CD5L: variants seen among roughly 807,000 people sequenced by gnomAD.
CD5L encodes the protein CD5 molecule like, also known as CD5 antigen-like.
CD5L carries 39 observed loss-of-function variants against 40.8 expected under a neutral mutation model. The ratio of observed to expected loss-of-function variants is 0.96; its 90% CI spans 0.74 to 1.25. CD5L has a LOEUF of 1.25. CD5L is among the 50% of genes most tolerant of loss of function. The probability of loss-of-function intolerance (pLI) is 0.00; values close to 1 mark genes in which losing one functional copy is unlikely to be tolerated. For synonymous variants in CD5L, 192 were observed against 169.6 expected, an observed-to-expected ratio of 1.13 and a Z score of -1.03; for missense variants, 433 against 435.9, an observed-to-expected ratio of 0.99 and a Z score of 0.06.
chr1:157,835,741 G>T (rs1656193217), intron 3 of CD5L, 94 bp downstream of exon 3: 1 of 1,013,720 alleles, frequency 9.9e-7, no homozygotes. Flanking sequence ...ATTAGCCATT[G>T]TGTGAACGTC....
At position 157,839,419 on chromosome 1, in the gene CD5L, GAAAGAAGGA is replaced by G; in HGVS notation, c.29-18_29-10del. On this transcript the variant is annotated splice_polypyrimidine_tract_variant and intron_variant, in intron 1 of 5. Coordinates refer to ENST00000368174, the MANE Select transcript of CD5L (RefSeq NM_005894.3). Reference sequence around the variant, plus strand: ...AGGTCTGGTGCAAATGGCTGGGGAAGAAAGAAGGAAATGAGTGAGGTCAATTTCCAAGGC... The same window carrying G: ...AGGTCTGGTGCAAATGGCTGGGGAAGAATGAGTGAGGTCAATTTCCAAGGC... 6.2e-7 allele frequency: 1 copy of G among 1,612,872 alleles called. No individual in the cohort carries two copies. Among genetic ancestry groups the G allele is most frequent in the South Asian group, 1.1e-5 (1 of 90,982 alleles).
chr1:157,838,195 T>C (rs148146724), intron 2 of CD5L, among the ~76,000 whole-genome samples: 1,546 of 152,316 alleles, frequency 0.01, 27 homozygotes, highest in African/African-American at 0.036. Flanking sequence ...AGGCTAGAGA[T>C]AGCAATTAAA....
chr1:157,831,411 G>A lies in CD5L; in HGVS notation c.*553C>T, dbSNP rs1325649367. 2.0e-6 allele frequency: 2 copies of A among 984,410 alleles called. No individual in the cohort carries two copies. Among genetic ancestry groups the A allele is most frequent in the African/African-American group, 3.5e-5 (2 of 57,002 alleles). The allele number at this position is 984,410 out of a possible 1,614,324, so 61.0% of individuals were successfully genotyped here. A position where few individuals can be genotyped will look rare whatever the true frequency, so the allele number is the denominator to read the frequency against. On this transcript the variant is annotated 3_prime_UTR_variant, in exon 6 of 6. Coordinates refer to ENST00000368174, the MANE Select transcript of CD5L (RefSeq NM_005894.3). ...CTAAGAAATAACAGAATAGGGAGGT[G>A]TTGCTATTGTGGTCACCTGAAGCTT...
At position 157,831,926 on chromosome 1, in the gene CD5L, G is replaced by A; in HGVS notation, c.*38C>T. 6.4e-7 allele frequency: 1 copy of A among 1,561,038 alleles called. No homozygotes were observed. Among genetic ancestry groups the A allele is most frequent in the Admixed American group, 2.0e-5 (1 of 51,262 alleles). ...GCTCAGGAGAACAAGCAGAGGGCAGGCGGGGCCAGGGGGGCCAGGTCAAGC... is the reference window on the plus strand; with the variant it reads ...GCTCAGGAGAACAAGCAGAGGGCAGACGGGGCCAGGGGGGCCAGGTCAAGC... On this transcript the variant is annotated 3_prime_UTR_variant, in exon 6 of 6. Transcript: ENST00000368174.
chr1:157,836,167 C>T lies in CD5L; in HGVS notation c.56-12G>A, dbSNP rs371318152. On this transcript the variant is annotated splice_polypyrimidine_tract_variant and intron_variant, in intron 2 of 5. Coordinates refer to ENST00000368174, the MANE Select transcript of CD5L (RefSeq NM_005894.3). ...TCCAGATGGAGACGCTGCAAAGAGACGGGTTGTTAGCTAGAGGCCTGAGAG... is the reference window on the plus strand; with the variant it reads ...TCCAGATGGAGACGCTGCAAAGAGATGGGTTGTTAGCTAGAGGCCTGAGAG... 650 of 1,604,234 alleles carry T rather than the reference C, an allele frequency of 4.1e-4. 1 individual carries two copies. The highest frequency in any genetic ancestry group is 9.2e-4 in the Admixed American group (55 of 59,500).
At position 157,834,590 on chromosome 1, in the gene CD5L, G is replaced by C; in HGVS notation, c.535C>G (p.Leu179Val). Residue 179 changes from leucine (L) to valine (V), a missense_variant, in exon 4 of 6, where the codon CTG (leucine) becomes GTG (valine). Physicochemically the swap from Leu to Val is conservative, Grantham distance 32. Transcript: ENST00000368174. ...LRAAKVVCRQ[L>V]GCGRAVLTQK... ...GTCAGTACAGCCCTCCCACATCCCA[G>C]CTGCCGGCACACCACCTTTGCGGCC... 3 of 1,614,154 alleles carry C rather than the reference G, an allele frequency of 1.9e-6. No individual in the cohort carries two copies. The highest frequency in any genetic ancestry group is 2.5e-6 in the Non-Finnish European group (3 of 1,180,028).
rs12092529 is a variant in CD5L, at chr1:157,838,784, A to G, written c.55+600T>C. On this transcript the variant is annotated intron_variant, in intron 2 of 5. Transcript: ENST00000368174. ...CTCTCTGGTAAAGTCTCTATGATCA[A>G]GCAGAAGGGGAGACTGGAAGGATAA... Among the ~76,000 whole-genome samples, 782 of 152,182 alleles carry G rather than the reference A, an allele frequency of 5.1e-3. 5 individuals are homozygous for G. The highest frequency in any genetic ancestry group is 0.017 in the African/African-American group (704 of 41,542).
At chr1:157,834,002 C>G (rs1268396417) in intron 4 of CD5L, among the ~76,000 whole-genome samples, 1 of 152,058 alleles carries the variant, frequency 6.6e-6, no homozygotes, top group African/African-American at 2.4e-5. Context: ...CTGTAGCTCT[C>G]CATCATGTTC....
At chr1:157,829,551 T>TAATAGA (rs1048296691), downstream of CD5L, among the ~76,000 whole-genome samples, 3 of 152,084 alleles carry the variant, frequency 2.0e-5, no homozygotes, top group African/African-American at 7.2e-5. Context: ...TATCTTGGAG[T>TAATAGA]AATAGAAATA....
chr1:157,837,831 A>G (rs773303431), intron 2 of CD5L, among the ~76,000 whole-genome samples: 1 of 142,796 alleles, frequency 7.0e-6, no homozygotes, highest in Non-Finnish European at 1.5e-5. Flanking sequence ...GCTGGAGTGC[A>G]GTGGCACGAT....
In CD5L at chr1:157,833,364, C is replaced by A; in HGVS notation, c.867G>T (p.Lys289Asn). The A allele has an allele frequency of 6.2e-7, 1 of 1,614,168 alleles. No homozygotes were observed. Among genetic ancestry groups the A allele is most frequent in the South Asian group, 1.1e-5 (1 of 91,084 alleles). Residue 289 changes from lysine (K) to asparagine (N), a missense_variant, in exon 5 of 6, where the codon AAG becomes AAT. Physicochemically the swap from Lys to Asn is moderately conservative, Grantham distance 94. Transcript: ENST00000368174. ...QVVCKQLGCG[K>N]SLSPSFRDRK... Reference sequence around the variant, plus strand: ...GGTCTCTGAAGGAGGGAGAGAGGGACTTCCCACAGCCCAGTTGCTTGCATA... The same window carrying A: ...GGTCTCTGAAGGAGGGAGAGAGGGAATTCCCACAGCCCAGTTGCTTGCATA...
chr1:157,831,838 C>T lies in CD5L; in HGVS notation c.*126G>A, dbSNP rs766264708. 2.8e-5 allele frequency: 40 copies of T among 1,446,168 alleles called. No homozygotes were observed. The highest frequency in any genetic ancestry group is 2.1e-4 in the Admixed American group (8 of 38,128). 89.6% of individuals were successfully genotyped at this position (1,446,168 alleles called of 1,614,324 possible). On this transcript the variant is annotated 3_prime_UTR_variant, in exon 6 of 6. Transcript: ENST00000368174. ...AGGCATAAGCCCAGTGTTCAGACTC[C>T]TGAGGGGATGAGGGAGTAGTGGCTC...
chr1:157,837,576 G>A (rs1403270134), intron 2 of CD5L, among the ~76,000 whole-genome samples: 1 of 152,126 alleles, frequency 6.6e-6, no homozygotes, highest in African/African-American at 2.4e-5. Context: ...GAAGTCTATG[G>A]CCTATTGGAA....
At chr1:157,839,498 T>C (rs1398849318) in intron 1 of CD5L, 88 bp from the exon 2 acceptor site, 6 of 1,405,260 alleles carry the variant, frequency 4.3e-6, no homozygotes, top group Non-Finnish European at 5.0e-6. Flanking sequence ...CAGAACTGTG[T>C]GAGACAAGAG....
At chr1:157,827,508 C>T (rs1227172317), downstream of CD5L, among the ~76,000 whole-genome samples, 1 of 152,126 alleles carries the variant, frequency 6.6e-6, no homozygotes, top group Admixed American at 6.6e-5. Context: ...AGTCCCAGTC[C>T]AAGGGCAGAA....
Position 157,834,410 on chromosome 1 carries a change from C to A in CD5L, c.715G>T (p.Glu239Ter). Residue 239 changes from glutamate (E) to a stop codon, truncating the protein, a stop_gained, in exon 4 of 6, where the codon GAA (glutamate) becomes TAA (stop). Coordinates refer to ENST00000368174, the MANE Select transcript of CD5L (RefSeq NM_005894.3). LOFTEE classifies it high-confidence loss of function. The stretch of plus-strand genomic sequence containing the variant: ...TCTTTGGACGCACAGGCATTACCTT[C>A]ACATTCGACCCACGTGTCTTCATCA... ...NHDEDTWVEC[E>*]DPFDLRLVGG... 1 of 1,610,112 alleles carries A rather than the reference C, an allele frequency of 6.2e-7. No homozygotes were observed. The highest frequency in any genetic ancestry group is 8.5e-7 in the Non-Finnish European group (1 of 1,177,174).
chr1:157,833,086 A>G (rs553568224), intron 5 of CD5L, 106 bp downstream of exon 5: 54 of 886,506 alleles, frequency 6.1e-5, no homozygotes, highest in African/African-American at 1.3e-4. Context: ...GAGCAGCTTC[A>G]TGGCGCTTGT....
In CD5L at chr1:157,832,974, A is replaced by T. The variant is rs138112931; in HGVS notation, c.1039+218T>A. On this transcript the variant is annotated intron_variant, in intron 5 of 5. Transcript: ENST00000368174. ...ATGTTCTCACGATCAATACGTATATAGTGTCAGCCCTACCTCTACCCACCA... is the reference window on the plus strand; with the variant it reads ...ATGTTCTCACGATCAATACGTATATTGTGTCAGCCCTACCTCTACCCACCA... Among the ~76,000 whole-genome samples the T allele has an allele frequency of 7.2e-5, 11 of 152,288 alleles. No individual in the cohort carries two copies. In the East Asian group the frequency reaches 2.1e-3, roughly 29 times the overall value.
At chr1:157,835,118 A>T (rs1344030518) in intron 3 of CD5L, among the ~76,000 whole-genome samples, 1 of 152,202 alleles carries the variant, frequency 6.6e-6, no homozygotes, top group Admixed American at 6.5e-5. Context: ...TTATGAACTA[A>T]ATATCTCAGA....
Sources: gnomAD v4.1 joint callset for allele counts (sites outside exome capture counted in the v4.1 genomes callset) on GRCh38, gnomAD v4.1.1 for gene constraint, MANE v1.5 for transcripts, NCBI Gene and HGNC (gene_info 2026-07-23, HGNC 2026-07-21) for gene names.